The following KIAA0232 variants were observed in gnomAD, a reference collection of about 807,000 sequenced individuals.
The protein encoded by KIAA0232 is uncharacterized protein KIAA0232.
KIAA0232 carries 27 observed loss-of-function variants against 122.0 expected under a neutral mutation model. The ratio of observed to expected loss-of-function variants is 0.22; its 90% CI spans 0.16 to 0.31. KIAA0232 has a LOEUF of 0.31. Among genes scored for constraint, KIAA0232 ranks in the 10% least tolerant of loss-of-function variants. The pLI, the probability that KIAA0232 is intolerant of heterozygous loss-of-function variation, is 1.00. For missense variants in KIAA0232, 1,551 were observed against 1,634.2 expected (o/e 0.95, Z 0.88); for synonymous variants, 613 against 587.6 (o/e 1.04, Z -0.63).
chr4:6,818,042 A>T (rs1264216764), intron 2 of KIAA0232, among the ~76,000 whole-genome samples: 1 of 152,120 alleles, frequency 6.6e-6, no homozygotes, highest in South Asian at 2.1e-4. Context: ...CTTTTAACCT[A>T]TTTGTGTCTT....
At chr4:6,822,902 A>G (rs1268517327) in intron 2 of KIAA0232, among the ~76,000 whole-genome samples, 3 of 145,662 alleles carry the variant, frequency 2.1e-5, no homozygotes, top group Non-Finnish European at 4.5e-5. Context: ...AGCATTAGGT[A>G]TATCTCCCAA....
rs58014157 is a variant in KIAA0232, at chr4:6,831,602, T to C, written c.231+6918T>C. On this transcript the variant is annotated intron_variant, in intron 3 of 9. Coordinates refer to ENST00000307659, the MANE Select transcript of KIAA0232 (RefSeq NM_014743.3). ...GAGGCATAAAATGCATACAGAAAAATGTACAACTTGATGAATTTTCACAAA... is the reference window on the plus strand; with the variant it reads ...GAGGCATAAAATGCATACAGAAAAACGTACAACTTGATGAATTTTCACAAA... Among the ~76,000 whole-genome samples, 8 of 152,178 alleles carry C rather than the reference T, an allele frequency of 5.3e-5. No homozygotes were observed. The East Asian group carries it at 1.5e-3, about 29-fold the overall frequency.
At chr4:6,808,192 T>A (rs73213648) in intron 2 of KIAA0232, among the ~76,000 whole-genome samples, 1 of 152,066 alleles carries the variant, frequency 6.6e-6, no homozygotes, top group Non-Finnish European at 1.5e-5. Context: ...AGTAATAGAG[T>A]CCAAAAGCCA....
chr4:6,810,975 A>G (rs1717850850), intron 2 of KIAA0232, among the ~76,000 whole-genome samples: 1 of 152,214 alleles, frequency 6.6e-6, no homozygotes, highest in African/African-American at 2.4e-5. Flanking sequence ...ATGCAGAGAA[A>G]AGGAAACTCT....
At chr4:6,831,949 C>A (rs1419674990) in intron 3 of KIAA0232, among the ~76,000 whole-genome samples, 1 of 152,208 alleles carries the variant, frequency 6.6e-6, no homozygotes, top group Non-Finnish European at 1.5e-5. Flanking sequence ...ATGTCAGTGC[C>A]CTATGCCCAC....
chr4:6,790,243 C>T (rs1716831338), intron 1 of KIAA0232, among the ~76,000 whole-genome samples: 2 of 152,076 alleles, frequency 1.3e-5, no homozygotes, highest in Admixed American at 1.3e-4. Flanking sequence ...TTCTCCATAT[C>T]TGTCTCTTCC....
intron 7 of KIAA0232, chr4:6,866,169 C>CT: frequency 1.1e-6 from 1 of 932,458 alleles, no homozygotes; most frequent in Non-Finnish European, 1.3e-6. Context: ...CCTTTATGTA[C>CT]TTTGTATTTC....
At chr4:6,802,786 G>A (rs1717444167) in intron 1 of KIAA0232, among the ~76,000 whole-genome samples, 1 of 152,042 alleles carries the variant, frequency 6.6e-6, no homozygotes, top group Admixed American at 6.6e-5. Flanking sequence ...GAGCACAGAG[G>A]AATGAAATTA....
intron 4 of KIAA0232, among the ~76,000 whole-genome samples, chr4:6,852,869 A>G (rs979752669): frequency 6.6e-6 from 1 of 152,218 alleles, no homozygotes; most frequent in African/African-American, 2.4e-5. Context: ...CTCAGAAGGT[A>G]GCATTCCAGG....
chr4:6,813,401 T>C (rs949022936), intron 2 of KIAA0232, among the ~76,000 whole-genome samples: 9 of 152,042 alleles, frequency 5.9e-5, no homozygotes, highest in Non-Finnish European at 1.2e-4. Context: ...CTCGCTCTGT[T>C]GCCCAGGCTG....
intron 2 of KIAA0232, among the ~76,000 whole-genome samples, chr4:6,813,577 T>C (rs1717976421): frequency 6.6e-6 from 1 of 152,004 alleles, no homozygotes; most frequent in African/African-American, 2.4e-5. Flanking sequence ...TTAGCCAGGA[T>C]GGTCTCGATC....
At chr4:6,878,109 T>G (rs1444622506) in intron 9 of KIAA0232, among the ~76,000 whole-genome samples, 1 of 152,186 alleles carries the variant, frequency 6.6e-6, no homozygotes, top group Non-Finnish European at 1.5e-5. Context: ...GCGCTGTGGC[T>G]CACGCTTGTA....
intron 3 of KIAA0232, among the ~76,000 whole-genome samples, chr4:6,830,555 C>T (rs1718918664): frequency 6.6e-6 from 1 of 151,840 alleles, no homozygotes; most frequent in African/African-American, 2.4e-5. Flanking sequence ...TACAGGCGTG[C>T]ATTACCATGC....
chr4:6,800,680 C>CA (rs113651133), intron 1 of KIAA0232, among the ~76,000 whole-genome samples: 4,248 of 128,826 alleles, frequency 0.033, 195 homozygotes, highest in African/African-American at 0.11. Context: ...AACTCCGTCT[C>CA]AAAAAAAAAA....
At chr4:6,817,759 CAAG>C (rs1215194013) in intron 2 of KIAA0232, among the ~76,000 whole-genome samples, 14 of 152,086 alleles carry the variant, frequency 9.2e-5, no homozygotes, top group Admixed American at 9.2e-4. Flanking sequence ...CAGTGACTGA[CAAG>C]GAGGTTTTGA....
intron 7 of KIAA0232, among the ~76,000 whole-genome samples, chr4:6,868,851 A>G (rs1721319363): frequency 1.3e-5 from 2 of 152,248 alleles, no homozygotes; most frequent in African/African-American, 2.4e-5. Flanking sequence ...AGTCCCTGCC[A>G]TAGGAATTGA....
intron 1 of KIAA0232, among the ~76,000 whole-genome samples, chr4:6,797,448 A>G (rs1203137221): frequency 1.3e-5 from 2 of 152,206 alleles, no homozygotes; most frequent in Admixed American, 6.5e-5. Flanking sequence ...AAATGCAGGG[A>G]AAAAGACTTC....
At chr4:6,811,660 G>T (rs1318572103) in intron 2 of KIAA0232, among the ~76,000 whole-genome samples, 3 of 151,832 alleles carry the variant, frequency 2.0e-5, no homozygotes, top group Non-Finnish European at 4.4e-5. Flanking sequence ...GCCCAGGCTG[G>T]TCTTGAACTC....
At chr4:6,864,693 C>T (rs771472163) in intron 7 of KIAA0232, among the ~76,000 whole-genome samples, 9 of 128,866 alleles carry the variant, frequency 7.0e-5, no homozygotes, top group Non-Finnish European at 9.4e-5. Context: ...GAGCCGAGAT[C>T]GTGTTCTGTA....
Sources: gnomAD v4.1 joint callset for allele counts (sites outside exome capture counted in the v4.1 genomes callset) on GRCh38, gnomAD v4.1.1 for gene constraint, MANE v1.5 for transcripts, NCBI Gene and HGNC (gene_info 2026-07-23, HGNC 2026-07-21) for gene names.